Variants in CMIP observed in about 807,000 individuals in gnomAD.
CMIP encodes c-Maf inducing protein, also known as C-Maf-inducing protein.
In CMIP, 13 loss-of-function variants were observed where a neutral mutation model predicts 97.3. That is an observed-to-expected ratio of 0.13 (90% confidence interval 0.09 to 0.21). The LOEUF is 0.21. Among genes scored for constraint, CMIP ranks in the 10% least tolerant of loss-of-function variants. The pLI, the probability that CMIP is intolerant of heterozygous loss-of-function variation, is 1.00. For synonymous variants in CMIP, 538 were observed against 436.3 expected (o/e 1.23, Z -2.91); for missense variants, 847 against 1,024.9 (o/e 0.83, Z 2.37).
intron 1 of CMIP, among the ~76,000 whole-genome samples, chr16:81,560,464 C>A (rs1056892033): frequency 6.6e-6 from 1 of 152,094 alleles, no homozygotes; most frequent in African/African-American, 2.4e-5. Context: ...GTGATCCGCC[C>A]GCCTCGGCCT....
chr16:81,682,490 G>A (rs1323802048), intron 10 of CMIP, among the ~76,000 whole-genome samples: 3 of 152,162 alleles, frequency 2.0e-5, no homozygotes, highest in Non-Finnish European at 2.9e-5. Context: ...ACTTGAACCC[G>A]GGAGGCGGAG....
Position 81,448,617 on chromosome 16 carries a change from G to A in CMIP, c.300+3076G>A, listed in dbSNP as rs1313365559. 8.5e-5 allele frequency among the ~76,000 whole-genome samples: 13 copies of A among 152,346 alleles called. No individual in the cohort carries two copies. In the East Asian group the frequency reaches 2.5e-3, roughly 29 times the overall value. Reference sequence around the variant, plus strand: ...GCAGCTTGCCCTGCCCTGGTCTCCTGGGCCAGTTACTGATTAAATCCTTGC... The same window carrying A: ...GCAGCTTGCCCTGCCCTGGTCTCCTAGGCCAGTTACTGATTAAATCCTTGC... On this transcript the variant is annotated intron_variant, in intron 1 of 20. Coordinates refer to ENST00000537098, the MANE Select transcript of CMIP (RefSeq NM_198390.3).
At chr16:81,593,994 T>TCCCCCTCTTTCCTCCTCTTCCTCCC (rs2091507311) in intron 1 of CMIP, among the ~76,000 whole-genome samples, 1 of 27,258 alleles carries the variant, frequency 3.7e-5, no homozygotes, top group Non-Finnish European at 7.1e-5. Context: ...CTCCCCCTCC[T>TCCCCCTCTTTCCTCCTCTTCCTCCC]CCCCCTCTTT....
At chr16:81,657,700 T>A in intron 4 of CMIP, 75 bp from the exon 5 acceptor site, 1 of 1,266,502 alleles carries the variant, frequency 7.9e-7, no homozygotes, top group Non-Finnish European at 1.1e-6. Context: ...ACTGTGGATC[T>A]TGAAATCCAA....
At chr16:81,486,982 G>A (rs980107924) in intron 1 of CMIP, among the ~76,000 whole-genome samples, 4 of 152,276 alleles carry the variant, frequency 2.6e-5, no homozygotes, top group East Asian at 1.9e-4. Context: ...GGCGTTGAGC[G>A]CCGTGAGGGA....
chr16:81,547,606 A>T (rs2090571724), intron 1 of CMIP, among the ~76,000 whole-genome samples: 1 of 149,992 alleles, frequency 6.7e-6, no homozygotes, highest in Non-Finnish European at 1.5e-5. Context: ...GGAGGGTGGG[A>T]AGCGGGGGAG....
In CMIP at chr16:81,513,240, CT is replaced by C. The variant is rs2089847904; in HGVS notation, c.300+67700del. Among the ~76,000 whole-genome samples, 3 of 152,358 alleles carry C rather than the reference CT, an allele frequency of 2.0e-5. No individual in the cohort carries two copies. In the South Asian group the frequency reaches 6.2e-4, roughly 32 times the overall value. Reference sequence around the variant, plus strand: ...GAGCGGGGCCTGCCTGCATCCGTTGCTGCTCACCAGACCCAGAGTGTGGGGC... The same window carrying C: ...GAGCGGGGCCTGCCTGCATCCGTTGCGCTCACCAGACCCAGAGTGTGGGGC... On this transcript the variant is annotated intron_variant, in intron 1 of 20. Coordinates refer to ENST00000537098, the MANE Select transcript of CMIP (RefSeq NM_198390.3).
intron 10 of CMIP, among the ~76,000 whole-genome samples, chr16:81,690,241 T>C (rs7405329): frequency 0.24 from 36,253 of 152,084 alleles, 4,449 homozygotes; most frequent in Non-Finnish European, 0.26. Flanking sequence ...TAAATTACCT[T>C]GGGCAGTATG....
At chr16:81,445,587 G>T (rs1277730374) in intron 1 of CMIP, 46 bp downstream of exon 1, 8 of 1,519,066 alleles carry the variant, frequency 5.3e-6, no homozygotes, top group South Asian at 1.2e-5. Context: ...CTCGGGGCCC[G>T]AGATGCGCCC....
chr16:81,702,829 C>T (rs903186772), intron 17 of CMIP, among the ~76,000 whole-genome samples, 160 bp downstream of exon 17: 1 of 152,016 alleles, frequency 6.6e-6, no homozygotes, highest in Non-Finnish European at 1.5e-5. Context: ...CAGGAGGTAG[C>T]TGGGTTACAG....
intron 1 of CMIP, among the ~76,000 whole-genome samples, chr16:81,471,430 A>G (rs1183111343): frequency 6.6e-6 from 1 of 151,832 alleles, no homozygotes; most frequent in Non-Finnish European, 1.5e-5. Context: ...ATGTACATGC[A>G]CATACATTTG....
intron 10 of CMIP, among the ~76,000 whole-genome samples, chr16:81,687,899 G>A (rs1395954377): frequency 6.6e-6 from 1 of 152,186 alleles, no homozygotes; most frequent in Non-Finnish European, 1.5e-5. Flanking sequence ...ACAGCCCTGT[G>A]GTCACGGTCA....
At chr16:81,482,719 A>G (rs1430139419) in intron 1 of CMIP, among the ~76,000 whole-genome samples, 1 of 152,198 alleles carries the variant, frequency 6.6e-6, no homozygotes, top group Non-Finnish European at 1.5e-5. Flanking sequence ...GCATCTTCCC[A>G]TTGCTGGAGA....
chr16:81,558,832 G>A (rs1356082001), intron 1 of CMIP, among the ~76,000 whole-genome samples: 1 of 152,202 alleles, frequency 6.6e-6, no homozygotes, highest in Non-Finnish European at 1.5e-5. Context: ...CGCACAGTAG[G>A]CCCACTGTTC....
chr16:81,502,804 A>G (rs1019715534), intron 1 of CMIP, among the ~76,000 whole-genome samples: 1 of 152,212 alleles, frequency 6.6e-6, no homozygotes, highest in Non-Finnish European at 1.5e-5. Flanking sequence ...GAAGCAAGAA[A>G]AAGCCTTCTG....
At chr16:81,465,417 G>T (rs549359090) in intron 1 of CMIP, among the ~76,000 whole-genome samples, 8 of 152,280 alleles carry the variant, frequency 5.3e-5, no homozygotes, top group African/African-American at 1.9e-4. Flanking sequence ...ATAGGGGCAG[G>T]ATGCACCCCG....
chr16:81,484,376 G>T (rs938115131), intron 1 of CMIP, among the ~76,000 whole-genome samples: 7 of 152,240 alleles, frequency 4.6e-5, no homozygotes, highest in African/African-American at 1.7e-4. Context: ...TCTGGCCGAG[G>T]TTTGGGATGT....
chr16:81,688,966 G>A (rs1465573821), intron 10 of CMIP, among the ~76,000 whole-genome samples: 1 of 152,202 alleles, frequency 6.6e-6, no homozygotes, highest in East Asian at 1.9e-4. Flanking sequence ...CTTCATCCAT[G>A]TCCCTACAGA....
intron 2 of CMIP, among the ~76,000 whole-genome samples, chr16:81,618,210 A>G (rs750194937): frequency 1.6e-4 from 24 of 152,288 alleles, no homozygotes; most frequent in Admixed American, 3.3e-4. Context: ...ATGGGGCTAA[A>G]ACGAAGGTGT....
Sources: gnomAD v4.1 joint callset for allele counts (sites outside exome capture counted in the v4.1 genomes callset) on GRCh38, gnomAD v4.1.1 for gene constraint, MANE v1.5 for transcripts, NCBI Gene and HGNC (gene_info 2026-07-23, HGNC 2026-07-21) for gene names.